The following MEIKIN variants were observed in gnomAD, a reference collection of about 807,000 sequenced individuals.
MEIKIN encodes meiosis-specific kinetochore protein.
intron 12 of MEIKIN, 71 bp from the exon 13 acceptor site, chr5:131,807,329 C>A (rs969880451): frequency 1.3e-5 from 5 of 397,388 alleles, no homozygotes; most frequent in Non-Finnish European, 2.2e-5. Context: ...AATAACCAGT[C>A]TGCAGGGGAG....
intron 9 of MEIKIN, among the ~76,000 whole-genome samples, chr5:131,860,793 G>T: frequency 1.0e-5 from 1 of 96,812 alleles, no homozygotes; most frequent in Admixed American, 1.7e-4. Context: ...AGAGAGTCTT[G>T]CTCTGTCACT....
chr5:131,877,923 C>T (rs1341994703), intron 9 of MEIKIN, among the ~76,000 whole-genome samples: 2 of 152,202 alleles, frequency 1.3e-5, no homozygotes, highest in Non-Finnish European at 2.9e-5. Context: ...AAATCGTGTG[C>T]CATCCCCCTC....
chr5:131,906,723 G>A (rs879789165), intron 8 of MEIKIN, among the ~76,000 whole-genome samples: 6 of 152,158 alleles, frequency 3.9e-5, no homozygotes, highest in Admixed American at 3.9e-4. Context: ...CAGTAACGCA[G>A]ATAAATCTGG....
chr5:131,834,270 T>C (rs1749761598), intron 11 of MEIKIN, among the ~76,000 whole-genome samples: 1 of 152,208 alleles, frequency 6.6e-6, no homozygotes, highest in South Asian at 2.1e-4. Context: ...GATATACACA[T>C]ACATTGTGTA....
chr5:131,814,064 TG>T (rs1302132045), intron 12 of MEIKIN, among the ~76,000 whole-genome samples: 1 of 151,918 alleles, frequency 6.6e-6, no homozygotes, highest in African/African-American at 2.4e-5. Context: ...GCTTTTATTC[TG>T]GCATGCTGGT....
chr5:131,873,907 T>C (rs1323700315), intron 9 of MEIKIN, among the ~76,000 whole-genome samples: 2 of 152,046 alleles, frequency 1.3e-5, no homozygotes, highest in Admixed American at 6.6e-5. Context: ...GGGTAAATAA[T>C]GAAATCAAGG....
At chr5:131,847,402 A>ATATATATATATATAT (rs1343227113) in intron 11 of MEIKIN, among the ~76,000 whole-genome samples, 1 of 152,082 alleles carries the variant, frequency 6.6e-6, no homozygotes, top group African/African-American at 2.4e-5. Flanking sequence ...CAGCTATAAT[A>ATATATATATATATAT]ATATCAGATA....
intron 8 of MEIKIN, among the ~76,000 whole-genome samples, chr5:131,907,314 A>C (rs1408731724): frequency 6.6e-6 from 1 of 151,926 alleles, no homozygotes; most frequent in South Asian, 2.1e-4. Context: ...AAATTAGTAG[A>C]AAAAAAAGAT....
chr5:131,932,433 T>C (rs1471383924), intron 5 of MEIKIN, among the ~76,000 whole-genome samples: 1 of 152,194 alleles, frequency 6.6e-6, no homozygotes, highest in Non-Finnish European at 1.5e-5. Flanking sequence ...ATTCTGGGGT[T>C]CCACGAGAGA....
At chr5:131,845,173 G>A (rs1749991674) in intron 11 of MEIKIN, among the ~76,000 whole-genome samples, 1 of 150,816 alleles carries the variant, frequency 6.6e-6, no homozygotes, top group African/African-American at 2.5e-5. Flanking sequence ...CAGACACTGA[G>A]GCAGGAGAAT....
intron 9 of MEIKIN, among the ~76,000 whole-genome samples, chr5:131,875,510 G>A (rs1750595540): frequency 6.6e-6 from 1 of 151,962 alleles, no homozygotes. Context: ...CAAACAAATG[G>A]AAGAACATTC....
chr5:131,895,237 C>T (rs558294834), intron 8 of MEIKIN, among the ~76,000 whole-genome samples: 1 of 152,160 alleles, frequency 6.6e-6, no homozygotes, highest in Non-Finnish European at 1.5e-5. Flanking sequence ...AGGGATGAAG[C>T]CCACTGGATC....
chr5:131,838,428 G>A (rs1749849288), intron 11 of MEIKIN, among the ~76,000 whole-genome samples: 1 of 152,150 alleles, frequency 6.6e-6, no homozygotes, highest in South Asian at 2.1e-4. Flanking sequence ...AATAGAAATG[G>A]TATTAGATCT....
rs1751940208 is a variant in MEIKIN, at chr5:131,945,148, C to A, written c.200+8G>T. ...GCTAGGATCGGGCTGTTACTGGAGG[C>A]TACATACCTGAACGGCCCAGAGCCG... On this transcript the variant is annotated splice_region_variant and intron_variant, in intron 2 of 12. Coordinates refer to ENST00000442687, the MANE Select transcript of MEIKIN (RefSeq NM_001303622.2). The A allele has an allele frequency of 1.3e-5, 5 of 399,038 alleles. No homozygotes were observed. The highest frequency in any genetic ancestry group is 2.2e-5 in the Non-Finnish European group (5 of 226,132). 24.7% of individuals were successfully genotyped at this position (399,038 alleles called of 1,614,324 possible). A position where few individuals can be genotyped will look rare whatever the true frequency, so the allele number is the denominator to read the frequency against.
chr5:131,896,717 C>T (rs994932465), intron 8 of MEIKIN, among the ~76,000 whole-genome samples: 14 of 151,750 alleles, frequency 9.2e-5, no homozygotes, highest in South Asian at 2.1e-4. Flanking sequence ...TGCTTTTTCT[C>T]GCTTTCCATT....
chr5:131,842,746 C>A (rs981556622), intron 11 of MEIKIN, among the ~76,000 whole-genome samples: 5 of 152,178 alleles, frequency 3.3e-5, no homozygotes, highest in African/African-American at 1.2e-4. Context: ...AACTTAACTT[C>A]AATCACATAC....
At chr5:131,813,120 C>A (rs908551440) in intron 12 of MEIKIN, among the ~76,000 whole-genome samples, 1 of 152,178 alleles carries the variant, frequency 6.6e-6, no homozygotes, top group Non-Finnish European at 1.5e-5. Context: ...GAGGAAGTGA[C>A]CCAAATGTCC....
At chr5:131,899,386 C>A (rs1751111846) in intron 8 of MEIKIN, among the ~76,000 whole-genome samples, 1 of 151,736 alleles carries the variant, frequency 6.6e-6, no homozygotes, top group Non-Finnish European at 1.5e-5. Context: ...GAGTAAATCA[C>A]CTTCATTAAT....
chr5:131,926,424 T>A (rs111288249), intron 5 of MEIKIN, among the ~76,000 whole-genome samples: 10 of 152,184 alleles, frequency 6.6e-5, no homozygotes, highest in Non-Finnish European at 1.3e-4. Context: ...AATATAGAGA[T>A]GAATTTCAAT....
Sources: allele counts gnomAD v4.1 joint callset (sites outside exome capture counted in the v4.1 genomes callset), GRCh38; gene constraint gnomAD v4.1.1; transcripts MANE v1.5; gene names NCBI Gene and HGNC (gene_info 2026-07-23, HGNC 2026-07-21).